Variants in STXBP5L observed in about 807,000 individuals in gnomAD.
STXBP5L encodes the protein syntaxin binding protein 5L.
Under a neutral mutation model 144.5 loss-of-function variants are expected in STXBP5L, and 65 were observed. The ratio of observed to expected loss-of-function variants is 0.45; its 90% CI spans 0.37 to 0.55. The LOEUF (loss-of-function observed/expected upper bound fraction) is 0.55, where lower values mean the gene tolerates loss of function less well. Among genes scored for constraint, STXBP5L ranks in the 20% least tolerant of loss-of-function variants. STXBP5L has a pLI of 0.00. For synonymous variants in STXBP5L, 505 were observed against 469.6 expected, an observed-to-expected ratio of 1.08 and a Z score of -0.97; for missense variants, 1,298 against 1,405.5, an observed-to-expected ratio of 0.92 and a Z score of 1.22.
intron 5 of STXBP5L, among the ~76,000 whole-genome samples, chr3:121,100,987 A>C (rs2107779748): frequency 6.6e-6 from 1 of 152,294 alleles, no homozygotes; most frequent in Non-Finnish European, 1.5e-5. Flanking sequence ...AAACTACGTT[A>C]TCTAGAGGAA....
intron 5 of STXBP5L, among the ~76,000 whole-genome samples, chr3:121,080,510 G>A (rs779873688): frequency 3.3e-5 from 5 of 152,024 alleles, no homozygotes; most frequent in Non-Finnish European, 7.4e-5. Context: ...TTGTAGTGCT[G>A]GTGTGGTAGT....
intron 3 of STXBP5L, among the ~76,000 whole-genome samples, chr3:120,993,121 T>C (rs923771004): frequency 6.6e-6 from 1 of 152,102 alleles, no homozygotes; most frequent in Non-Finnish European, 1.5e-5. Context: ...TCTGCCCTGG[T>C]CTTTTGCCCA....
In STXBP5L at chr3:121,131,327, A is replaced by G. The variant is rs940213400; in HGVS notation, c.669+9623A>G. Among the ~76,000 whole-genome samples, 4 of 152,304 alleles carry G rather than the reference A, an allele frequency of 2.6e-5. 1 individual carries two copies. Among genetic ancestry groups the G allele is most frequent in the Middle Eastern group, 6.8e-3 (2 of 294 alleles). ...CCATAGGGAAATTATTAACAGTGATACCAATGGAGACAGAAAGTTTAAGAA... is the reference window on the plus strand; with the variant it reads ...CCATAGGGAAATTATTAACAGTGATGCCAATGGAGACAGAAAGTTTAAGAA... On this transcript the variant is annotated intron_variant, in intron 7 of 26. Transcript: ENST00000471454.
At chr3:121,062,164 G>A (rs2041314544) in intron 5 of STXBP5L, among the ~76,000 whole-genome samples, 1 of 152,174 alleles carries the variant, frequency 6.6e-6, no homozygotes, top group South Asian at 2.1e-4. Context: ...AAGCCGCCAG[G>A]AAGCTTTTGT....
chr3:121,126,631 T>G (rs2044715628), intron 7 of STXBP5L, among the ~76,000 whole-genome samples: 1 of 152,218 alleles, frequency 6.6e-6, no homozygotes. Context: ...TACATAATGA[T>G]GATGAAATAA....
intron 5 of STXBP5L, among the ~76,000 whole-genome samples, chr3:121,085,306 A>T (rs973212803): frequency 6.6e-6 from 1 of 152,016 alleles, no homozygotes; most frequent in Non-Finnish European, 1.5e-5. Flanking sequence ...CTATGTCCTG[A>T]GTGGTATTGC....
chr3:121,151,341 T>C (rs2045924817), intron 7 of STXBP5L, among the ~76,000 whole-genome samples: 2 of 152,324 alleles, frequency 1.3e-5, no homozygotes, highest in South Asian at 4.1e-4. Context: ...ATTTATTGTG[T>C]GTGGTTTAAT....
chr3:121,314,742 A>C (rs1397451275), intron 19 of STXBP5L, among the ~76,000 whole-genome samples: 2 of 152,210 alleles, frequency 1.3e-5, no homozygotes, highest in Non-Finnish European at 2.9e-5. Context: ...TCATCTGACA[A>C]AGGGCTAATA....
chr3:121,183,014 G>T (rs770903404), intron 9 of STXBP5L, among the ~76,000 whole-genome samples: 1 of 152,120 alleles, frequency 6.6e-6, no homozygotes, highest in South Asian at 2.1e-4. Context: ...ACATACATGG[G>T]TGAATACATG....
intron 20 of STXBP5L, among the ~76,000 whole-genome samples, chr3:121,319,511 G>A (rs2043899054): frequency 6.6e-6 from 1 of 151,894 alleles, no homozygotes; most frequent in Admixed American, 6.6e-5. Context: ...TTTTCTCTTA[G>A]TCATATATTT....
At chr3:121,225,587 C>CTTT (rs1559883762) in intron 11 of STXBP5L, among the ~76,000 whole-genome samples, 1 of 151,986 alleles carries the variant, frequency 6.6e-6, no homozygotes, top group African/African-American at 2.4e-5. Flanking sequence ...TAGAGACTAC[C>CTTT]ACAAATGTGT....
At chr3:121,003,374 A>G (rs1410505023) in intron 3 of STXBP5L, among the ~76,000 whole-genome samples, 1 of 152,180 alleles carries the variant, frequency 6.6e-6, no homozygotes, top group Admixed American at 6.5e-5. Flanking sequence ...GTGTCTGTTC[A>G]TATGCTTTGC....
chr3:121,098,241 C>T (rs1387911989), intron 5 of STXBP5L, among the ~76,000 whole-genome samples: 1 of 152,114 alleles, frequency 6.6e-6, no homozygotes, highest in Non-Finnish European at 1.5e-5. Context: ...GTACTGCAGG[C>T]TGTACAGGAA....
intron 3 of STXBP5L, among the ~76,000 whole-genome samples, chr3:120,989,077 C>A (rs1559960647): frequency 6.6e-6 from 1 of 152,072 alleles, no homozygotes; most frequent in Non-Finnish European, 1.5e-5. Context: ...TCGATAGACA[C>A]TTAAGTTGAT....
At chr3:120,993,341 T>A (rs1239915178) in intron 3 of STXBP5L, among the ~76,000 whole-genome samples, 1 of 152,082 alleles carries the variant, frequency 6.6e-6, no homozygotes, top group Non-Finnish European at 1.5e-5. Context: ...TATTTTTGTT[T>A]TTGTTGCGTA....
chr3:121,324,381 G>A (rs73183143), intron 20 of STXBP5L: 23,925 of 551,918 alleles, frequency 0.043, 666 homozygotes, highest in Middle Eastern at 0.065. Flanking sequence ...GATACAAAAT[G>A]CAGATCTTTC....
chr3:120,953,667 A>T (rs1275832081), intron 2 of STXBP5L, among the ~76,000 whole-genome samples: 2 of 151,994 alleles, frequency 1.3e-5, no homozygotes, highest in Non-Finnish European at 2.9e-5. Context: ...TTAATTTTGT[A>T]ACTTTAGCTT....
chr3:121,005,023 G>T (rs564469464), intron 3 of STXBP5L, among the ~76,000 whole-genome samples: 12 of 152,194 alleles, frequency 7.9e-5, no homozygotes, highest in South Asian at 2.1e-4. Context: ...TTTTTTGGTT[G>T]TGTCTCTGCC....
At chr3:121,390,623 A>T (rs575227282) in intron 22 of STXBP5L, among the ~76,000 whole-genome samples, 12 of 152,252 alleles carry the variant, frequency 7.9e-5, no homozygotes, top group Non-Finnish European at 1.0e-4. Context: ...TCTGTAAAGG[A>T]TTTTATTTCT....
Sources: allele counts gnomAD v4.1 joint callset (sites outside exome capture counted in the v4.1 genomes callset), GRCh38; gene constraint gnomAD v4.1.1; transcripts MANE v1.5; gene names NCBI Gene and HGNC (gene_info 2026-07-23, HGNC 2026-07-21).